APP: variants seen among roughly 807,000 people sequenced by gnomAD.
APP encodes the protein amyloid beta precursor protein, also known as amyloid-beta precursor protein.
Under a neutral mutation model 101.4 loss-of-function variants are expected in APP, and 31 were observed. That is an observed-to-expected ratio of 0.31 (90% CI 0.23 to 0.41). The LOEUF is 0.41. Ranked by LOEUF, APP falls within the 10% of genes least tolerant of loss-of-function variation. APP has a pLI of 1.00. For missense variants in APP, 839 were observed against 1,003.7 expected (o/e 0.84, Z 2.22); for synonymous variants, 366 against 364.4 (o/e 1.00, Z -0.05).
chr21:25,911,966 A>C lies in APP; in HGVS notation c.1688-4T>G, dbSNP rs374277868. On this transcript the variant is annotated splice_region_variant and splice_polypyrimidine_tract_variant and intron_variant, in intron 13 of 17. Transcript: ENST00000346798. Reference sequence around the variant, plus strand: ...TGCTCTTTCTGAAGCAGCTCATCTAAACCAAACAAAACCATCTCTTTGGTG... The same window carrying C: ...TGCTCTTTCTGAAGCAGCTCATCTACACCAAACAAAACCATCTCTTTGGTG... The C allele has an allele frequency of 3.3e-5, 53 of 1,605,624 alleles. No individual in the cohort carries two copies. Among genetic ancestry groups the C allele is most frequent in the Middle Eastern group, 1.6e-4 (1 of 6,074 alleles).
At chr21:26,142,515 T>G (rs1376738608) in intron 1 of APP, among the ~76,000 whole-genome samples, 1 of 152,166 alleles carries the variant, frequency 6.6e-6, no homozygotes, top group Non-Finnish European at 1.5e-5. Flanking sequence ...ATGTCTATAA[T>G]TCCAGCACTT....
At chr21:25,926,303 G>A (rs1387174919) in intron 13 of APP, among the ~76,000 whole-genome samples, 1 of 152,206 alleles carries the variant, frequency 6.6e-6, no homozygotes, top group Non-Finnish European at 1.5e-5. Context: ...TCACTAGTGA[G>A]TAAATATACT....
intron 6 of APP, among the ~76,000 whole-genome samples, chr21:26,005,656 T>C (rs2043499498): frequency 6.6e-6 from 1 of 152,224 alleles, no homozygotes; most frequent in Admixed American, 6.5e-5. Context: ...ATAAGCCGCA[T>C]CTAGTTTCAT....
intron 3 of APP, among the ~76,000 whole-genome samples, chr21:26,081,096 G>A (rs1393505578): frequency 2.0e-5 from 3 of 152,062 alleles, no homozygotes; most frequent in Non-Finnish European, 4.4e-5. Context: ...TCAAATACAT[G>A]GGATGATTGA....
intron 16 of APP, among the ~76,000 whole-genome samples, chr21:25,895,808 T>C (rs930750897): frequency 6.6e-6 from 1 of 152,234 alleles, no homozygotes; most frequent in Non-Finnish European, 1.5e-5. Flanking sequence ...TTAGCTAATA[T>C]ACTAGTGTGA....
chr21:26,020,825 ATGTT>A (rs1205238617), intron 6 of APP, among the ~76,000 whole-genome samples: 3 of 151,640 alleles, frequency 2.0e-5, no homozygotes, highest in African/African-American at 4.9e-5. Flanking sequence ...TATCAACTGA[ATGTT>A]TGTTTTTATT....
chr21:25,962,309 A>T (rs911114039), intron 11 of APP, among the ~76,000 whole-genome samples: 50 of 152,374 alleles, frequency 3.3e-4, no homozygotes, highest in African/African-American at 1.2e-3. Context: ...AAGAGGAAAG[A>T]GAAACATAAG....
At chr21:25,975,870 T>C in intron 10 of APP, 84 bp downstream of exon 10, 1 of 1,064,400 alleles carries the variant, frequency 9.4e-7, no homozygotes, top group Non-Finnish European at 1.5e-6. Context: ...CGTGAGGTGC[T>C]GGCAGATAAA....
At chr21:25,993,323 T>C (rs2042940331) in intron 8 of APP, among the ~76,000 whole-genome samples, 1 of 152,032 alleles carries the variant, frequency 6.6e-6, no homozygotes, top group African/African-American at 2.4e-5. Context: ...AAAGTACAAA[T>C]AACCTGTGTA....
rs115736989 is a variant in APP at position 25,987,262 on chromosome 21, G to C, written c.1091-4785C>G. Among the ~76,000 whole-genome samples, 221 of 152,314 alleles carry C rather than the reference G, an allele frequency of 1.5e-3. 1 individual carries two copies. The highest frequency in any genetic ancestry group is 5.0e-3 in the African/African-American group (209 of 41,566). ...AGAATATGGAGGACGTTCTGGCCTT[G>C]GGTCCCTCCTTCAGCCTGCTCACTC... On this transcript the variant is annotated intron_variant, in intron 8 of 17. Transcript: ENST00000346798.
intron 2 of APP, among the ~76,000 whole-genome samples, chr21:26,093,738 C>T (rs7277117): frequency 0.03 from 4,530 of 152,182 alleles, 223 homozygotes; most frequent in African/African-American, 0.1. Flanking sequence ...CTAGAACATG[C>T]GTGTTATTTT....
At chr21:25,993,228 A>T (rs1484173372) in intron 8 of APP, among the ~76,000 whole-genome samples, 1 of 152,158 alleles carries the variant, frequency 6.6e-6, no homozygotes, top group Non-Finnish European at 1.5e-5. Context: ...ATGTGCCTAG[A>T]AATCAATCTT....
chr21:26,138,844 C>G (rs924261512), intron 1 of APP, among the ~76,000 whole-genome samples: 1 of 152,178 alleles, frequency 6.6e-6, no homozygotes, highest in East Asian at 1.9e-4. Context: ...CTAAGGAACT[C>G]AAAAAGCAAA....
chr21:26,154,087 A>G (rs1446347374), intron 1 of APP, among the ~76,000 whole-genome samples: 1 of 152,226 alleles, frequency 6.6e-6, no homozygotes, highest in African/African-American at 2.4e-5. Context: ...TAACTATTTT[A>G]CATGCCAGGA....
intron 8 of APP, among the ~76,000 whole-genome samples, chr21:25,984,607 T>G (rs2042569342): frequency 6.6e-6 from 1 of 152,194 alleles, no homozygotes; most frequent in African/African-American, 2.4e-5. Context: ...ACCACGTTCT[T>G]ACTGACTTTA....
intron 15 of APP, among the ~76,000 whole-genome samples, chr21:25,898,520 T>C (rs1248635849): frequency 5.3e-5 from 8 of 152,216 alleles, no homozygotes; most frequent in Non-Finnish European, 1.2e-4. Context: ...TGAAAAGGGC[T>C]TTTGAAGTCA....
At chr21:26,005,438 T>C (rs764517388) in intron 6 of APP, among the ~76,000 whole-genome samples, 18 of 152,116 alleles carry the variant, frequency 1.2e-4, no homozygotes, top group Non-Finnish European at 2.1e-4. Context: ...ATAATGATAA[T>C]ATAGGAATAT....
In APP at chr21:26,140,453, G is replaced by A. The variant is rs139015867; in HGVS notation, c.58-28307C>T. 3.3e-3 allele frequency: 3,542 copies of A among 1,064,408 alleles called. 13 individuals are homozygous for A. The highest frequency in any genetic ancestry group is 4.0e-3 in the Non-Finnish European group (3,138 of 780,106). The allele number at this position is 1,064,408 out of a possible 1,614,324, so 65.9% of individuals were successfully genotyped here. A position where few individuals can be genotyped will look rare whatever the true frequency, so the allele number is the denominator to read the frequency against. Reference sequence around the variant, plus strand: ...CTAACAATGGACAACCAAAGCCTCCGGAACTCTGTCTTGGGTAGAGTAAAT... The same window carrying A: ...CTAACAATGGACAACCAAAGCCTCCAGAACTCTGTCTTGGGTAGAGTAAAT... On this transcript the variant is annotated intron_variant, in intron 1 of 17. Coordinates refer to ENST00000346798, the MANE Select transcript of APP (RefSeq NM_000484.4).
chr21:25,969,606 G>A (rs2041933182), intron 11 of APP, among the ~76,000 whole-genome samples: 1 of 151,890 alleles, frequency 6.6e-6, no homozygotes, highest in Non-Finnish European at 1.5e-5. Flanking sequence ...TTAAAAAGCC[G>A]AGGTGAAAGG....
Sources: allele counts gnomAD v4.1 joint callset (sites outside exome capture counted in the v4.1 genomes callset), GRCh38; gene constraint gnomAD v4.1.1; transcripts MANE v1.5; gene names NCBI Gene and HGNC (gene_info 2026-07-23, HGNC 2026-07-21).